TTC29: variants seen among roughly 807,000 people sequenced by gnomAD.
The protein encoded by TTC29 is tetratricopeptide repeat protein 29.
In TTC29, 49 loss-of-function variants were observed where a neutral mutation model predicts 58.1. That is an observed-to-expected ratio of 0.84 (90% CI 0.67 to 1.07). TTC29 has a LOEUF of 1.07. Ranked by LOEUF, TTC29 falls within the 50% of genes least tolerant of loss-of-function variation. The pLI, the probability that TTC29 is intolerant of heterozygous loss-of-function variation, is 0.00. For missense variants in TTC29, 582 were observed against 555.6 expected, an observed-to-expected ratio of 1.05 and a Z score of -0.48; for synonymous variants, 209 against 196.8, an observed-to-expected ratio of 1.06 and a Z score of -0.52.
intron 11 of TTC29, among the ~76,000 whole-genome samples, chr4:146,716,283 T>TA (rs1375622481): frequency 1.3e-5 from 2 of 152,130 alleles, no homozygotes; most frequent in Non-Finnish European, 2.9e-5. Flanking sequence ...AATATGAAAC[T>TA]AAATGCTGAT....
At chr4:146,726,322 G>A (rs1743778801) in intron 11 of TTC29, among the ~76,000 whole-genome samples, 1 of 152,072 alleles carries the variant, frequency 6.6e-6, no homozygotes, top group African/African-American at 2.4e-5. Context: ...GTGTGGTGGT[G>A]CACGCCTGTA....
intron 9 of TTC29, among the ~76,000 whole-genome samples, chr4:146,823,068 A>C (rs913665372): frequency 6.6e-5 from 10 of 152,082 alleles, no homozygotes; most frequent in African/African-American, 2.4e-4. Flanking sequence ...GTTCACTCTG[A>C]TGATAGTTTC....
At chr4:146,820,446 T>A (rs972087824) in intron 9 of TTC29, among the ~76,000 whole-genome samples, 198 bp from the exon 10 acceptor site, 32 of 152,188 alleles carry the variant, frequency 2.1e-4, no homozygotes, top group African/African-American at 7.0e-4. Flanking sequence ...AACTTTTAAA[T>A]CCTCATGCAT....
At chr4:146,828,736 T>A (rs1378295550) in intron 9 of TTC29, among the ~76,000 whole-genome samples, 1 of 152,088 alleles carries the variant, frequency 6.6e-6, no homozygotes, top group Non-Finnish European at 1.5e-5. Context: ...GAGCAATAGA[T>A]CTCCAAAACA....
At chr4:146,853,642 C>G (rs954387301) in intron 8 of TTC29, among the ~76,000 whole-genome samples, 1 of 152,074 alleles carries the variant, frequency 6.6e-6, no homozygotes, top group African/African-American at 2.4e-5. Flanking sequence ...TATTTTCACA[C>G]ATTACTAATT....
rs144569153 is a variant in TTC29, at chr4:146,710,097, T to C, written c.1331-2546A>G. Among the ~76,000 whole-genome samples the C allele has an allele frequency of 4.3e-3, 660 of 152,244 alleles. 5 individuals are homozygous for C. The highest frequency in any genetic ancestry group is 0.015 in the African/African-American group (639 of 41,548). The stretch of plus-strand genomic sequence containing the variant: ...CAGCAATGAAATGAGCAAAGTAATA[T>C]ACAGTCAAGTGTCACTTAACGACAA... On this transcript the variant is annotated intron_variant, in intron 11 of 12. Coordinates refer to ENST00000325106, the MANE Select transcript of TTC29 (RefSeq NM_031956.4).
At chr4:146,769,345 TTAA>T (rs1459811039) in intron 11 of TTC29, among the ~76,000 whole-genome samples, 1 of 151,994 alleles carries the variant, frequency 6.6e-6, no homozygotes, top group Non-Finnish European at 1.5e-5. Flanking sequence ...ATATTCAAGC[TTAA>T]TATTTTCCTG....
intron 8 of TTC29, among the ~76,000 whole-genome samples, chr4:146,849,542 G>A (rs1266553646): frequency 6.6e-6 from 1 of 152,096 alleles, no homozygotes; most frequent in Admixed American, 6.6e-5. Flanking sequence ...TGCTTGTCTG[G>A]TCACAGTGTT....
intron 11 of TTC29, among the ~76,000 whole-genome samples, chr4:146,729,228 G>T (rs962919596): frequency 4.6e-5 from 7 of 151,990 alleles, no homozygotes; most frequent in African/African-American, 1.4e-4. Context: ...TCAAACATTT[G>T]CTGATCTGAT....
intron 8 of TTC29, among the ~76,000 whole-genome samples, chr4:146,851,498 A>G (rs1729514085): frequency 6.6e-6 from 1 of 152,150 alleles, no homozygotes; most frequent in Non-Finnish European, 1.5e-5. Flanking sequence ...CCAAAATTAT[A>G]AGCATCTCCC....
Position 146,909,224 on chromosome 4 carries a change from T to C in TTC29, c.202A>G (p.Ile68Val), listed in dbSNP as rs1161011651. The C allele has an allele frequency of 6.2e-7, 1 of 1,613,034 alleles. No individual in the cohort carries two copies. Among genetic ancestry groups the C allele is most frequent in the Admixed American group, 1.7e-5 (1 of 59,974 alleles). ...CCATCTCGCAGCATGTCCACACAGATATTCTTCTTGTAGGAGTTCCTATAA... is the reference window on the plus strand; with the variant it reads ...CCATCTCGCAGCATGTCCACACAGACATTCTTCTTGTAGGAGTTCCTATAA... ...AAYRNSYKKN[I>V]CVDMLRDGYH... is the part of the protein sequence containing the mutation. Residue 68 changes from isoleucine to valine, a missense_variant, in exon 5 of 13, where the codon ATC becomes GTC. Transcript: ENST00000325106.
chr4:146,783,164 T>C (rs1748747197), intron 11 of TTC29, among the ~76,000 whole-genome samples: 1 of 152,062 alleles, frequency 6.6e-6, no homozygotes. Flanking sequence ...GATATACGCA[T>C]ACATTGTGGA....
At chr4:146,747,198 T>G (rs959984869) in intron 11 of TTC29, among the ~76,000 whole-genome samples, 5 of 152,158 alleles carry the variant, frequency 3.3e-5, no homozygotes, top group Non-Finnish European at 7.4e-5. Context: ...ATCTGCACAC[T>G]GAGCTACCCC....
chr4:146,789,647 T>C (rs1481639941), intron 11 of TTC29, among the ~76,000 whole-genome samples: 3 of 152,214 alleles, frequency 2.0e-5, no homozygotes, highest in Non-Finnish European at 4.4e-5. Context: ...TTTGAAATAA[T>C]TGAAATATGA....
At chr4:146,758,655 T>C (rs1409863032) in intron 11 of TTC29, among the ~76,000 whole-genome samples, 3 of 152,016 alleles carry the variant, frequency 2.0e-5, no homozygotes, top group African/African-American at 7.2e-5. Context: ...CAGACCACAG[T>C]GGAATAAAAC....
chr4:146,747,023 C>T (rs2150042488), intron 11 of TTC29, among the ~76,000 whole-genome samples: 1 of 152,264 alleles, frequency 6.6e-6, no homozygotes, highest in South Asian at 2.1e-4. Context: ...CCCCGTCCCC[C>T]AGATGTAATC....
chr4:146,938,942 A>T (rs28541686), intron 3 of TTC29, among the ~76,000 whole-genome samples: 1 of 152,216 alleles, frequency 6.6e-6, no homozygotes, highest in African/African-American at 2.4e-5. Context: ...TATGATAATT[A>T]TGACAAAATG....
intron 4 of TTC29, among the ~76,000 whole-genome samples, chr4:146,922,040 A>G (rs1476148503): frequency 2.0e-5 from 3 of 150,138 alleles, no homozygotes; most frequent in Admixed American, 2.0e-4. Flanking sequence ...AGAAAGAAAG[A>G]AAACACCAAA....
At chr4:146,941,197 G>C (rs1736357855) in intron 2 of TTC29, among the ~76,000 whole-genome samples, 1 of 152,170 alleles carries the variant, frequency 6.6e-6, no homozygotes, top group African/African-American at 2.4e-5. Context: ...CAAAAGGCCA[G>C]GGGCTCCTGA....
Sources: allele counts gnomAD v4.1 joint callset (sites outside exome capture counted in the v4.1 genomes callset), GRCh38; gene constraint gnomAD v4.1.1; transcripts MANE v1.5; gene names NCBI Gene and HGNC (gene_info 2026-07-23, HGNC 2026-07-21).